SPOCK1: variants seen among roughly 807,000 people sequenced by gnomAD.
SPOCK1 encodes testican-1.
A neutral mutation model predicts 55.3 loss-of-function variants in SPOCK1; 23 were observed. The observed-to-expected ratio is 0.42, with a 90% CI of 0.30 to 0.59. The LOEUF is 0.59. Ranked by LOEUF, SPOCK1 falls within the 20% of genes least tolerant of loss-of-function variation. SPOCK1 has a pLI of 0.22. For synonymous variants in SPOCK1, 226 were observed against 221.0 expected (o/e 1.02, Z -0.20); for missense variants, 499 against 552.5 (o/e 0.90, Z 0.97).
At chr5:137,446,315 C>T (rs1316719421) in intron 2 of SPOCK1, among the ~76,000 whole-genome samples, 2 of 152,138 alleles carry the variant, frequency 1.3e-5, no homozygotes, top group Non-Finnish European at 2.9e-5. Flanking sequence ...CCTAATGATG[C>T]AACTAATCAA....
chr5:137,227,517 G>C (rs1755968190), intron 3 of SPOCK1, among the ~76,000 whole-genome samples: 1 of 152,170 alleles, frequency 6.6e-6, no homozygotes, highest in African/African-American at 2.4e-5. Context: ...AAACAGATAA[G>C]AGTCTTTGAG....
At chr5:137,199,242 C>T (rs1281582709) in intron 3 of SPOCK1, among the ~76,000 whole-genome samples, 1 of 152,200 alleles carries the variant, frequency 6.6e-6, no homozygotes, top group Non-Finnish European at 1.5e-5. Context: ...CACACGTTGA[C>T]ACAATGAACC....
intron 7 of SPOCK1, among the ~76,000 whole-genome samples, chr5:136,989,233 T>A (rs1750901405): frequency 6.6e-6 from 1 of 152,218 alleles, no homozygotes. Flanking sequence ...GGAATCCAAA[T>A]CAACTCAGAC....
chr5:137,442,121 C>T (rs906623918), intron 2 of SPOCK1, among the ~76,000 whole-genome samples: 2 of 152,224 alleles, frequency 1.3e-5, no homozygotes, highest in Non-Finnish European at 2.9e-5. Flanking sequence ...CCTCCTGGGA[C>T]TTCAGCTAAC....
chr5:137,107,358 G>C (rs1474570805), intron 5 of SPOCK1, among the ~76,000 whole-genome samples: 1 of 152,156 alleles, frequency 6.6e-6, no homozygotes, highest in Non-Finnish European at 1.5e-5. Flanking sequence ...AGTATCAAGA[G>C]TAGTTAAGAA....
chr5:137,140,733 T>C (rs988435854), intron 3 of SPOCK1, 39 bp from the exon 4 acceptor site: 124 of 691,594 alleles, frequency 1.8e-4, no homozygotes, highest in Non-Finnish European at 2.6e-4. Flanking sequence ...GTTTAGGACC[T>C]CCAGGGAAAT....
chr5:137,442,700 A>C (rs1753040801), intron 2 of SPOCK1, among the ~76,000 whole-genome samples: 1 of 152,234 alleles, frequency 6.6e-6, no homozygotes, highest in Non-Finnish European at 1.5e-5. Flanking sequence ...CACTCAAGGA[A>C]GGAAATATTA....
intron 2 of SPOCK1, among the ~76,000 whole-genome samples, chr5:137,348,520 G>A (rs2522215): frequency 0.44 from 66,193 of 151,630 alleles, 14,835 homozygotes; most frequent in East Asian, 0.59. Context: ...TTAACTGTGA[G>A]TTATTAATGT....
intron 2 of SPOCK1, among the ~76,000 whole-genome samples, chr5:137,278,957 T>TC (rs1344288448): frequency 6.6e-6 from 1 of 151,986 alleles, no homozygotes; most frequent in Non-Finnish European, 1.5e-5. Flanking sequence ...CTGTCCTACT[T>TC]CCCCCCAGGG....
At chr5:137,072,832 G>A (rs2127008869) in intron 5 of SPOCK1, among the ~76,000 whole-genome samples, 1 of 152,284 alleles carries the variant, frequency 6.6e-6, no homozygotes, top group East Asian at 1.9e-4. Flanking sequence ...GTTCACAGTT[G>A]ACAATTTTGT....
chr5:137,108,113 T>A (rs933282412), intron 5 of SPOCK1, among the ~76,000 whole-genome samples: 1 of 152,196 alleles, frequency 6.6e-6, no homozygotes, highest in Non-Finnish European at 1.5e-5. Context: ...ACTAATTCAC[T>A]CTTACTAATT....
At chr5:137,412,758 A>T (rs949787524) in intron 2 of SPOCK1, among the ~76,000 whole-genome samples, 14 of 152,204 alleles carry the variant, frequency 9.2e-5, no homozygotes, top group African/African-American at 3.4e-4. Context: ...GGCCTCAAGA[A>T]CAAGTGACAG....
intron 9 of SPOCK1, 123 bp from the exon 10 acceptor site, chr5:136,979,592 G>T: frequency 7.8e-7 from 1 of 1,283,732 alleles, no homozygotes; most frequent in Non-Finnish European, 1.1e-6. Flanking sequence ...AGCAGCAGAG[G>T]ATGGGGATGG....
intron 5 of SPOCK1, among the ~76,000 whole-genome samples, chr5:137,072,774 CT>C (rs1305668675): frequency 4.6e-5 from 7 of 152,230 alleles, no homozygotes; most frequent in Middle Eastern, 3.2e-3. Flanking sequence ...GCTTTCTCCA[CT>C]GTATTTCATC....
At chr5:137,143,369 G>T (rs937654228) in intron 3 of SPOCK1, among the ~76,000 whole-genome samples, 1 of 152,116 alleles carries the variant, frequency 6.6e-6, no homozygotes, top group Non-Finnish European at 1.5e-5. Context: ...TGGTCTCAAC[G>T]GACAGTGCAA....
rs375498699 is a variant in SPOCK1, at chr5:137,263,150, A to T, written c.232+3860T>A. 3.9e-5 allele frequency among the ~76,000 whole-genome samples: 6 copies of T among 152,102 alleles called. No homozygotes were observed. In the East Asian group the frequency reaches 5.8e-4, roughly 15 times the overall value. Reference sequence around the variant, plus strand: ...CATGCCAAATACATTACCTCCTCTGAGTATCTGATAGGTGTGTAGTGGAAA... The same window carrying T: ...CATGCCAAATACATTACCTCCTCTGTGTATCTGATAGGTGTGTAGTGGAAA... On this transcript the variant is annotated intron_variant, in intron 3 of 10. Transcript: ENST00000394945.
chr5:137,475,480 A>G (rs1359048607), intron 2 of SPOCK1, among the ~76,000 whole-genome samples: 1 of 152,224 alleles, frequency 6.6e-6, no homozygotes. Flanking sequence ...TGCAAACTTG[A>G]TATCATTATT....
chr5:137,069,932 C>A (rs1752580015), intron 5 of SPOCK1, among the ~76,000 whole-genome samples: 1 of 152,180 alleles, frequency 6.6e-6, no homozygotes. Context: ...GACTGTGAGA[C>A]TCCCCCTCTC....
intron 3 of SPOCK1, among the ~76,000 whole-genome samples, chr5:137,228,572 G>A (rs1755992169): frequency 6.6e-6 from 1 of 152,144 alleles, no homozygotes; most frequent in African/African-American, 2.4e-5. Context: ...GAACCCAGAA[G>A]GCCAAGGTTG....
Sources: gnomAD v4.1 joint callset for allele counts (sites outside exome capture counted in the v4.1 genomes callset) on GRCh38, gnomAD v4.1.1 for gene constraint, MANE v1.5 for transcripts, NCBI Gene and HGNC (gene_info 2026-07-23, HGNC 2026-07-21) for gene names.